Variants in RMDN2 observed in about 807,000 individuals in gnomAD.
RMDN2 encodes the protein regulator of microtubule dynamics protein 2.
RMDN2 carries 61 observed loss-of-function variants against 52.8 expected under a neutral mutation model. That is an observed-to-expected ratio of 1.16 (90% CI 0.94 to 1.43). RMDN2 has a LOEUF of 1.43. Ranked by LOEUF, RMDN2 falls within the 40% of genes most tolerant of loss-of-function variation. RMDN2 has a pLI of 0.00. For missense variants in RMDN2, 592 were observed against 475.3 expected, an observed-to-expected ratio of 1.25 and a Z score of -2.28; for synonymous variants, 180 against 153.1, an observed-to-expected ratio of 1.18 and a Z score of -1.30.
intron 10 of RMDN2, chr2:38,012,543 T>G: frequency 2.2e-6 from 1 of 459,898 alleles, no homozygotes; most frequent in Non-Finnish European, 4.5e-6. Context: ...ATTGGAAGTA[T>G]TTCTGTAATA....
intron 2 of RMDN2, chr2:37,951,309 G>T (rs768893870): frequency 1.2e-6 from 2 of 1,612,558 alleles, no homozygotes; most frequent in African/African-American, 1.3e-5. Context: ...GCATCGTGGA[G>T]CCTCTTCTAT....
chr2:38,013,702 A>G (rs746096106), intron 10 of RMDN2, among the ~76,000 whole-genome samples: 1 of 152,200 alleles, frequency 6.6e-6, no homozygotes, highest in Non-Finnish European at 1.5e-5. Flanking sequence ...TAAGTTATAA[A>G]ACAGAATTTG....
At chr2:37,957,973 T>G (rs1303456764) in intron 2 of RMDN2, among the ~76,000 whole-genome samples, 1 of 152,130 alleles carries the variant, frequency 6.6e-6, no homozygotes, top group African/African-American at 2.4e-5. Flanking sequence ...GGTGTTATTT[T>G]TGAGGCCTCT....
intron 10 of RMDN2, among the ~76,000 whole-genome samples, chr2:38,014,991 A>G (rs910304003): frequency 2.0e-5 from 3 of 152,254 alleles, no homozygotes; most frequent in Non-Finnish European, 2.9e-5. Flanking sequence ...GTTTTGCTAT[A>G]TAATCTAAGG....
intron 5 of RMDN2, among the ~76,000 whole-genome samples, chr2:37,986,757 C>G (rs1198383938): frequency 6.6e-6 from 1 of 151,948 alleles, no homozygotes; most frequent in East Asian, 1.9e-4. Context: ...GAAAGAAACT[C>G]TCAGCAAACT....
intron 10 of RMDN2, among the ~76,000 whole-genome samples, chr2:38,032,014 GCTCT>G (rs879700582): frequency 1.3e-5 from 2 of 151,722 alleles, no homozygotes; most frequent in African/African-American, 4.8e-5. Flanking sequence ...AAAAGTGAGT[GCTCT>G]CTCTCTCTCA....
In RMDN2 at chr2:38,014,668, T is replaced by C. The variant is rs146943279; in HGVS notation, c.1180-2518T>C. On this transcript the variant is annotated intron_variant, in intron 10 of 10. Coordinates refer to ENST00000354545, the MANE Select transcript of RMDN2 (RefSeq NM_001170791.3). The stretch of plus-strand genomic sequence containing the variant: ...AGCATTGATGTAGTTTTCTAAACCA[T>C]ATTTTTCCAACACTATCAGATGAAA... 7.2e-3 allele frequency among the ~76,000 whole-genome samples: 1,103 copies of C among 152,358 alleles called. 30 individuals carry two copies. Among genetic ancestry groups the C allele is most frequent in the Admixed American group, 0.056 (855 of 15,312 alleles).
At chr2:38,041,951 A>G (rs1680980831) in intron 10 of RMDN2, among the ~76,000 whole-genome samples, 1 of 152,078 alleles carries the variant, frequency 6.6e-6, no homozygotes, top group East Asian at 1.9e-4. Flanking sequence ...TTGGTACTTG[A>G]AAATGCTGGC....
chr2:38,027,159 C>G (rs1438858401), intron 10 of RMDN2: 1 of 152,208 alleles, frequency 6.6e-6, no homozygotes, highest in Non-Finnish European at 1.5e-5. Flanking sequence ...TTGGTCTCCC[C>G]ATAGCCTCAG....
At chr2:38,065,123 A>G (rs1682214823) in intron 10 of RMDN2, among the ~76,000 whole-genome samples, 1 of 152,194 alleles carries the variant, frequency 6.6e-6, no homozygotes, top group African/African-American at 2.4e-5. Flanking sequence ...TGGATAGAAA[A>G]AATGTGGTGG....
intron 8 of RMDN2, among the ~76,000 whole-genome samples, chr2:38,000,053 C>T (rs907107782): frequency 5.9e-5 from 9 of 152,282 alleles, no homozygotes; most frequent in African/African-American, 2.2e-4. Context: ...AACTAAAAAT[C>T]AATGTTAGCT....
At chr2:38,042,325 A>G (rs924777260) in intron 10 of RMDN2, among the ~76,000 whole-genome samples, 3 of 151,562 alleles carry the variant, frequency 2.0e-5, no homozygotes, top group East Asian at 1.9e-4. Flanking sequence ...AGTCATTTGT[A>G]TCTTCCTTGT....
At chr2:38,012,067 C>A (rs1005710984) in intron 10 of RMDN2, among the ~76,000 whole-genome samples, 1 of 152,146 alleles carries the variant, frequency 6.6e-6, no homozygotes, top group African/African-American at 2.4e-5. Flanking sequence ...TGACCCAGCT[C>A]CTACCAATCT....
chr2:37,929,787 T>A (rs1354010868), intron 2 of RMDN2, 58 bp downstream of exon 2: 1 of 1,186,070 alleles, frequency 8.4e-7, no homozygotes, highest in Non-Finnish European at 1.2e-6. Flanking sequence ...ATTACTATTA[T>A]TTAGGTATTT....
intron 2 of RMDN2, among the ~76,000 whole-genome samples, chr2:37,943,059 C>G (rs1457283166): frequency 6.6e-6 from 1 of 152,184 alleles, no homozygotes; most frequent in African/African-American, 2.4e-5. Flanking sequence ...CATCCACATG[C>G]CACCCATGAA....
At chr2:37,933,132 C>G (rs907822276) in intron 2 of RMDN2, among the ~76,000 whole-genome samples, 1 of 151,698 alleles carries the variant, frequency 6.6e-6, no homozygotes, top group Non-Finnish European at 1.5e-5. Context: ...ACATCCCGGA[C>G]GGGGCAGCAG....
chr2:37,976,191 C>A (rs1178109627), intron 4 of RMDN2: 3 of 152,164 alleles, frequency 2.0e-5, no homozygotes, highest in Non-Finnish European at 1.5e-5. Context: ...ATTCTGACAT[C>A]TATACTTTTC....
At chr2:37,960,971 A>G (rs1423385575) in intron 2 of RMDN2, among the ~76,000 whole-genome samples, 3 of 152,172 alleles carry the variant, frequency 2.0e-5, no homozygotes, top group Non-Finnish European at 2.9e-5. Flanking sequence ...CTCAATATGA[A>G]ATTCAGGGTT....
At chr2:38,004,282 T>C (rs1167385845) in intron 10 of RMDN2, 66 bp downstream of exon 10, 1 of 1,028,732 alleles carries the variant, frequency 9.7e-7, no homozygotes, top group Admixed American at 1.8e-5. Flanking sequence ...AAAACAGGAA[T>C]AACTCGCTTA....
Sources: gnomAD v4.1 joint callset for allele counts (sites outside exome capture counted in the v4.1 genomes callset) on GRCh38, gnomAD v4.1.1 for gene constraint, MANE v1.5 for transcripts, NCBI Gene and HGNC (gene_info 2026-07-23, HGNC 2026-07-21) for gene names.